The following RNF149 variants were observed in gnomAD, a reference collection of about 807,000 sequenced individuals.
RNF149 encodes the protein ring finger protein 149, also known as E3 ubiquitin-protein ligase RNF149.
A neutral mutation model predicts 39.0 loss-of-function variants in RNF149; 21 were observed. That is an observed-to-expected ratio of 0.54 (90% CI 0.38 to 0.77). The LOEUF is 0.77. Among genes scored for constraint, RNF149 ranks in the 30% least tolerant of loss-of-function variants. The pLI is 0.00. For missense variants in RNF149, 493 were observed against 534.9 expected (o/e 0.92, Z 0.77); for synonymous variants, 209 against 213.6 (o/e 0.98, Z 0.19).
At chr2:101,282,104 T>C (rs1340194235) in intron 5 of RNF149, 47 bp from the exon 6 acceptor site, 1 of 1,601,126 alleles carries the variant, frequency 6.2e-7, no homozygotes, top group Non-Finnish European at 8.5e-7. Context: ...GCTTAAAACA[T>C]GATCAAAGCT....
chr2:101,283,869 TC>T (rs1682687533), intron 5 of RNF149, among the ~76,000 whole-genome samples: 1 of 152,034 alleles, frequency 6.6e-6, no homozygotes, highest in African/African-American at 2.4e-5. Flanking sequence ...CATACAAACA[TC>T]CAGAAATGAA....
downstream of RNF149, chr2:101,273,001 G>C: frequency 1.5e-6 from 2 of 1,352,478 alleles, no homozygotes; most frequent in Non-Finnish European, 2.0e-6. Context: ...AGAGCAAACT[G>C]CTGATGGAGA....
intron 1 of RNF149, among the ~76,000 whole-genome samples, chr2:101,305,542 G>A (rs1028145200): frequency 2.6e-5 from 4 of 151,958 alleles, no homozygotes; most frequent in African/African-American, 7.3e-5. Context: ...TAATTTTGTC[G>A]GCCTCTCCCC....
downstream of RNF149, among the ~76,000 whole-genome samples, chr2:101,274,596 A>C (rs1682260225): frequency 6.6e-6 from 1 of 152,204 alleles, no homozygotes; most frequent in Admixed American, 6.5e-5. Context: ...CCTTACCTCG[A>C]AGGAGACACA....
intron 1 of RNF149, chr2:101,307,879 T>A (rs1683735886): frequency 1.0e-6 from 1 of 985,270 alleles, no homozygotes; most frequent in Non-Finnish European, 1.2e-6. Flanking sequence ...GATTTTAACG[T>A]CTTTAGTACT....
intron 1 of RNF149, among the ~76,000 whole-genome samples, chr2:101,305,918 T>C (rs1683640579): frequency 1.3e-5 from 2 of 152,234 alleles, no homozygotes; most frequent in South Asian, 4.1e-4. Context: ...CTGAGCTGTG[T>C]GGGCTGTGTC....
rs1682366835 is a variant in RNF149 at position 101,276,949 on chromosome 2, C to A, written c.*289G>T. 1.8e-6 allele frequency: 2 copies of A among 1,117,232 alleles called. No homozygotes were observed. The highest frequency in any genetic ancestry group is 1.2e-4 in the East Asian group (2 of 16,322). The allele number at this position is 1,117,232 out of a possible 1,614,324, so 69.2% of individuals were successfully genotyped here. On this transcript the variant is annotated 3_prime_UTR_variant, in exon 7 of 7. Transcript: ENST00000295317. Reference sequence around the variant, plus strand: ...ATAGCAGCCAATTATTTAGAAACACCACCTGTCCTTTATATTAGAGTACCT... The same window carrying A: ...ATAGCAGCCAATTATTTAGAAACACAACCTGTCCTTTATATTAGAGTACCT...
Position 101,276,547 on chromosome 2 carries a change from A to C in RNF149, c.*691T>G. 1 of 985,800 alleles carries C rather than the reference A, an allele frequency of 1.0e-6. No homozygotes were observed. Among genetic ancestry groups the C allele is most frequent in the Non-Finnish European group, 1.2e-6 (1 of 829,886 alleles). The allele number at this position is 985,800 out of a possible 1,614,324, so 61.1% of individuals were successfully genotyped here. On this transcript the variant is annotated 3_prime_UTR_variant, in exon 7 of 7. Coordinates refer to ENST00000295317, the MANE Select transcript of RNF149 (RefSeq NM_173647.4). Reference sequence around the variant, plus strand: ...AACTTAATGCTCATGTGCGATATAGAATCTTAGCTTTTTATTTGTAGGAAA... The same window carrying C: ...AACTTAATGCTCATGTGCGATATAGCATCTTAGCTTTTTATTTGTAGGAAA...
Position 101,294,874 on chromosome 2 carries a change from G to A in RNF149, c.711+57C>T, listed in dbSNP as rs184674354. 1.1e-5 allele frequency: 14 copies of A among 1,332,044 alleles called. No homozygotes were observed. In the African/African-American group the frequency reaches 1.5e-4, roughly 14 times the overall value. 82.5% of individuals were successfully genotyped at this position (1,332,044 alleles called of 1,614,324 possible). A position where few individuals can be genotyped will look rare whatever the true frequency, so the allele number is the denominator to read the frequency against. ...AAATGTAACTTCTAGGAATATATAT[G>A]CGGCATATTTATGAATTATCTTTTA... On this transcript the variant is annotated intron_variant, in intron 2 of 6. Coordinates refer to ENST00000295317, the MANE Select transcript of RNF149 (RefSeq NM_173647.4).
intron 1 of RNF149, among the ~76,000 whole-genome samples, chr2:101,302,666 C>T (rs955865712): frequency 1.3e-5 from 2 of 152,174 alleles, no homozygotes; most frequent in Admixed American, 6.5e-5. Flanking sequence ...CCTTCCCCAT[C>T]GACTTTAACT....
chr2:101,292,946 A>G (rs1260192694), intron 3 of RNF149, among the ~76,000 whole-genome samples: 1 of 150,834 alleles, frequency 6.6e-6, no homozygotes, highest in Non-Finnish European at 1.5e-5. Flanking sequence ...CAAATCAGAC[A>G]CTAATCTTAA....
chr2:101,307,171 G>A (rs917786343), intron 1 of RNF149, among the ~76,000 whole-genome samples: 1 of 152,164 alleles, frequency 6.6e-6, no homozygotes, highest in Non-Finnish European at 1.5e-5. Flanking sequence ...AGGGTTGCCT[G>A]GCAAATAGCA....
Position 101,295,022 on chromosome 2 carries a change from G to A in RNF149, c.620C>T (p.Ala207Val). 1 of 1,613,958 alleles carries A rather than the reference G, an allele frequency of 6.2e-7. No homozygotes were observed. The highest frequency in any genetic ancestry group is 8.5e-7 in the Non-Finnish European group (1 of 1,179,918). The change falls in exon 2 of 7, where the codon GCC becomes GTC. Residue 207 changes from alanine to valine, a missense_variant. Physicochemically the swap from Ala to Val is moderately conservative, Grantham distance 64 (BLOSUM62 0). Coordinates refer to ENST00000295317, the MANE Select transcript of RNF149 (RefSeq NM_173647.4). Reference protein sequence around the residue: ...SGQSVVFVAIAFITMMIISLA... With the variant: ...SGQSVVFVAIVFITMMIISLA... ...CGAGATAATCATCATGGTGATGAAGGCAATGGCCACAAACACCACAGACTG... is the reference window on the plus strand; with the variant it reads ...CGAGATAATCATCATGGTGATGAAGACAATGGCCACAAACACCACAGACTG...
chr2:101,296,741 A>AT lies in RNF149; in HGVS notation c.461-1561_461-1560insA, dbSNP rs530078495. 1.8e-3 allele frequency among the ~76,000 whole-genome samples: 271 copies of AT among 152,268 alleles called. 1 individual carries two copies. Among genetic ancestry groups the AT allele is most frequent in the African/African-American group, 6.2e-3 (259 of 41,546 alleles). On this transcript the variant is annotated intron_variant, in intron 1 of 6. Coordinates refer to ENST00000295317, the MANE Select transcript of RNF149 (RefSeq NM_173647.4). The stretch of plus-strand genomic sequence containing the variant: ...AAATTAAAGACTTAAGTGTATATAT[A>AT]AAAAAAGAGGAAACATCCAATGGCT...
downstream of RNF149, chr2:101,273,113 G>C: frequency 3.7e-6 from 5 of 1,363,866 alleles, no homozygotes; most frequent in Non-Finnish European, 4.9e-6. Flanking sequence ...GATAGCATGC[G>C]GGGAAATTAT....
Position 101,281,883 on chromosome 2 carries a change from C to T in RNF149, c.1135G>A (p.Ala379Thr), listed in dbSNP as rs1682604660. ...PQCDPSFKGD[A>T]GENTALLEAG... ...CCTAGCAATGCCGTATTTTCTCCTGCATCTCCTTTAAAGCTGGGATCACAC... is the reference window on the plus strand; with the variant it reads ...CCTAGCAATGCCGTATTTTCTCCTGTATCTCCTTTAAAGCTGGGATCACAC... The change falls in exon 6 of 7, where the codon GCA becomes ACA. Residue 379 changes from alanine to threonine, a missense_variant. Coordinates refer to ENST00000295317, the MANE Select transcript of RNF149 (RefSeq NM_173647.4). 6.2e-7 allele frequency: 1 copy of T among 1,613,970 alleles called. No homozygotes were observed.
chr2:101,280,176 A>AAATAAT (rs535984877), intron 6 of RNF149, among the ~76,000 whole-genome samples: 152 of 148,288 alleles, frequency 1.0e-3, no homozygotes, highest in African/African-American at 2.3e-3. Flanking sequence ...ACTCCATCTC[A>AAATAAT]AATAATAATA....
At chr2:101,281,713 C>CT in intron 6 of RNF149, 146 bp downstream of exon 6, 1 of 903,868 alleles carries the variant, frequency 1.1e-6, no homozygotes, top group Non-Finnish European at 1.7e-6. Flanking sequence ...GCTGCCCAGG[C>CT]TGTTCTCAAA....
intron 1 of RNF149, among the ~76,000 whole-genome samples, chr2:101,305,942 C>T (rs1683641611): frequency 6.6e-6 from 1 of 152,174 alleles, no homozygotes; most frequent in Non-Finnish European, 1.5e-5. Context: ...AGACTGGACA[C>T]TTCACACATC....
Sources: allele counts gnomAD v4.1 joint callset (sites outside exome capture counted in the v4.1 genomes callset), GRCh38; gene constraint gnomAD v4.1.1; transcripts MANE v1.5; gene names NCBI Gene and HGNC (gene_info 2026-07-23, HGNC 2026-07-21).